The following YPEL2 variants were observed in gnomAD, a reference collection of about 807,000 sequenced individuals.
YPEL2 encodes the protein protein yippee-like 2.
A neutral mutation model predicts 19.1 loss-of-function variants in YPEL2; 2 were observed. The observed-to-expected ratio is 0.10, with a 90% CI of 0.04 to 0.33. The LOEUF (loss-of-function observed/expected upper bound fraction) is 0.33, where lower values mean the gene tolerates loss of function less well. Ranked by LOEUF, YPEL2 falls within the 10% of genes least tolerant of loss-of-function variation. YPEL2 has a pLI of 1.00. For synonymous variants in YPEL2, 52 were observed against 50.0 expected (o/e 1.04, Z -0.17); for missense variants, 66 against 140.7 (o/e 0.47, Z 2.68).
In YPEL2 at chr17:59,400,310, G is replaced by A. The variant is rs1483563735; in HGVS notation, c.*3120G>A. 6.6e-6 allele frequency: 1 copy of A among 152,474 alleles called. No individual in the cohort carries two copies. Among genetic ancestry groups the A allele is most frequent in the African/African-American group, 2.4e-5 (1 of 41,404 alleles). The allele number at this position is 152,474 out of a possible 1,614,324, so 9.4% of individuals were successfully genotyped here. Reference sequence around the variant, plus strand: ...CAAGTGGATATATATAAAAGAAACAGTTGCTTGTAAAATATACTTTTGTAA... The same window carrying A: ...CAAGTGGATATATATAAAAGAAACAATTGCTTGTAAAATATACTTTTGTAA... On this transcript the variant is annotated 3_prime_UTR_variant, in exon 5 of 5. Transcript: ENST00000312655.
intron 4 of YPEL2, among the ~76,000 whole-genome samples, chr17:59,390,212 G>T (rs2048000808): frequency 2.0e-5 from 3 of 152,004 alleles, no homozygotes; most frequent in South Asian, 4.2e-4. Flanking sequence ...ATGTTGGCCG[G>T]GCTGGTCTCG....
At chr17:59,388,418 G>A in intron 3 of YPEL2, 48 bp downstream of exon 3, 1 of 1,588,060 alleles carries the variant, frequency 6.3e-7, no homozygotes, top group Non-Finnish European at 8.6e-7. Context: ...AGATTCGAGG[G>A]ATGGGAAAAA....
intron 3 of YPEL2, 62 bp downstream of exon 3, chr17:59,388,432 A>G (rs1021434115): frequency 2.7e-5 from 41 of 1,522,162 alleles, no homozygotes; most frequent in Non-Finnish European, 3.5e-5. Flanking sequence ...GGAAAAAGCA[A>G]TCCTTGGTGA....
intron 4 of YPEL2, among the ~76,000 whole-genome samples, chr17:59,392,808 G>A (rs546492071): frequency 3.3e-5 from 5 of 152,088 alleles, no homozygotes; most frequent in African/African-American, 4.8e-5. Flanking sequence ...CACCGTGCCC[G>A]GCCCTAAATT....
At chr17:59,359,979 A>G (rs539668857) in intron 2 of YPEL2, among the ~76,000 whole-genome samples, 6 of 152,368 alleles carry the variant, frequency 3.9e-5, no homozygotes, top group African/African-American at 1.2e-4. Flanking sequence ...GGCTCACTGC[A>G]ACCTCCGCCT....
rs576016706 is a variant in YPEL2 at position 59,341,661 on chromosome 17, G to GA, written c.-196+9847dup. On this transcript the variant is annotated intron_variant, in intron 1 of 4. Coordinates refer to ENST00000312655, the MANE Select transcript of YPEL2 (RefSeq NM_001005404.4). ...CAACAAGTGCGAAACAACGTCTCAG[G>GA]AAAAAAAAAAGTTATATTAAAAAGG... 9.3e-3 allele frequency among the ~76,000 whole-genome samples: 1,396 copies of GA among 149,590 alleles called. 24 individuals carry two copies. Among genetic ancestry groups the GA allele is most frequent in the African/African-American group, 0.03 (1,237 of 40,856 alleles).
intron 1 of YPEL2, among the ~76,000 whole-genome samples, chr17:59,349,063 A>G (rs373282332): frequency 0.018 from 2,713 of 149,690 alleles, 53 homozygotes; most frequent in Middle Eastern, 0.059. Flanking sequence ...AGTCCCAGCT[A>G]CTCGGGAGGC....
chr17:59,379,287 T>G (rs1207269540), intron 2 of YPEL2, among the ~76,000 whole-genome samples: 1 of 152,154 alleles, frequency 6.6e-6, no homozygotes, highest in Non-Finnish European at 1.5e-5. Context: ...TTTGTTTGGG[T>G]TCCAACTCTT....
At chr17:59,345,428 T>C (rs1190100678) in intron 1 of YPEL2, 3 of 152,226 alleles carry the variant, frequency 2.0e-5, no homozygotes, top group Non-Finnish European at 4.4e-5. Flanking sequence ...GATTTTCCTG[T>C]GGGCCTTGCA....
At chr17:59,372,865 A>G (rs2047903332) in intron 2 of YPEL2, among the ~76,000 whole-genome samples, 1 of 152,174 alleles carries the variant, frequency 6.6e-6, no homozygotes, top group Admixed American at 6.5e-5. Context: ...TGGGACATAC[A>G]GTGTAGTGTT....
At chr17:59,374,519 A>C (rs112986049) in intron 2 of YPEL2, among the ~76,000 whole-genome samples, 1 of 152,204 alleles carries the variant, frequency 6.6e-6, no homozygotes, top group African/African-American at 2.4e-5. Flanking sequence ...CTGATGTTGG[A>C]CAACTGCCAC....
intron 2 of YPEL2, among the ~76,000 whole-genome samples, chr17:59,378,426 C>A (rs1319570777): frequency 2.0e-5 from 3 of 151,600 alleles, no homozygotes; most frequent in Admixed American, 2.0e-4. Flanking sequence ...CTCACTGCAA[C>A]CTCCACCTCC....
intron 2 of YPEL2, among the ~76,000 whole-genome samples, chr17:59,359,698 G>T (rs1271809129): frequency 6.6e-6 from 1 of 152,134 alleles, no homozygotes; most frequent in Non-Finnish European, 1.5e-5. Context: ...TAAAATTCGA[G>T]TATGTTTTAA....
intron 2 of YPEL2, chr17:59,355,148 T>C (rs765896897): frequency 6.6e-6 from 1 of 152,194 alleles, no homozygotes; most frequent in Non-Finnish European, 1.5e-5. Context: ...CTTGACACTT[T>C]ATCAATGTTA....
At chr17:59,381,092 G>GAAAT (rs2047946769) in intron 2 of YPEL2, among the ~76,000 whole-genome samples, 1 of 152,194 alleles carries the variant, frequency 6.6e-6, no homozygotes, top group African/African-American at 2.4e-5. Flanking sequence ...GCAACCCTAG[G>GAAAT]AAATGGACAT....
chr17:59,387,418 C>T (rs1040392229), intron 2 of YPEL2, among the ~76,000 whole-genome samples: 2 of 151,972 alleles, frequency 1.3e-5, no homozygotes, highest in Non-Finnish European at 2.9e-5. Flanking sequence ...CCACTCATCT[C>T]CTTGTTTGTT....
chr17:59,374,035 T>G (rs1418423151), intron 2 of YPEL2, among the ~76,000 whole-genome samples: 1 of 152,206 alleles, frequency 6.6e-6, no homozygotes, highest in African/African-American at 2.4e-5. Context: ...CTTGAGAATA[T>G]GGACTCACAG....
chr17:59,373,122 C>G, intron 2 of YPEL2, among the ~76,000 whole-genome samples: 1 of 152,196 alleles, frequency 6.6e-6, no homozygotes. Context: ...CTGCCTCAGC[C>G]TCCCAAAGTG....
At chr17:59,365,563 C>G (rs1412061125) in intron 2 of YPEL2, among the ~76,000 whole-genome samples, 1 of 152,198 alleles carries the variant, frequency 6.6e-6, no homozygotes, top group African/African-American at 2.4e-5. Context: ...TTGATTCCTT[C>G]TGTGACACTT....
Sources: gnomAD v4.1 joint callset for allele counts (sites outside exome capture counted in the v4.1 genomes callset) on GRCh38, gnomAD v4.1.1 for gene constraint, MANE v1.5 for transcripts, NCBI Gene and HGNC (gene_info 2026-07-23, HGNC 2026-07-21) for gene names.